Variants in MFSD1 observed in about 807,000 individuals in gnomAD.
MFSD1 encodes major facilitator superfamily domain containing 1.
Under a neutral mutation model 67.1 loss-of-function variants are expected in MFSD1, and 59 were observed. The observed-to-expected ratio is 0.88, with a 90% CI of 0.71 to 1.09. MFSD1 has a LOEUF of 1.09. Among genes scored for constraint, MFSD1 ranks in the 50% least tolerant of loss-of-function variants. The pLI is 0.00. For synonymous variants in MFSD1, 213 were observed against 200.3 expected (o/e 1.06, Z -0.54); for missense variants, 552 against 566.1 (o/e 0.97, Z 0.25).
chr3:158,821,505 G>T (rs1548092), intron 9 of MFSD1, 92 bp from the exon 10 acceptor site: 1 of 812,302 alleles, frequency 1.2e-6, no homozygotes. Flanking sequence ...GAAAGAAGCT[G>T]ATTAAACTTG....
chr3:158,807,542 G>T, intron 5 of MFSD1, 79 bp downstream of exon 5: 1 of 1,159,840 alleles, frequency 8.6e-7, no homozygotes, highest in Non-Finnish European at 1.3e-6. Flanking sequence ...AAAAAACCTT[G>T]TCTCTTCTGG....
chr3:158,805,435 T>G lies in MFSD1; in HGVS notation c.290T>G (p.Phe97Cys), dbSNP rs373105100. Residue 97 changes from phenylalanine to cysteine, a missense_variant, in exon 3 of 16, where the codon TTC becomes TGC. Coordinates refer to ENST00000415822, the MANE Select transcript of MFSD1 (RefSeq NM_022736.4). ...TCTTGGCCCAATGTAGTTTTGTGTT[T>G]CTTTGGTGGCTTTTTGATAGACCGA... ...WYSWPNVVLC[F>C]FGGFLIDRVF... 1.4e-4 allele frequency: 222 copies of G among 1,614,138 alleles called. 1 individual carries two copies. In the South Asian group the frequency reaches 2.0e-3, roughly 15 times the overall value.
In MFSD1 at chr3:158,802,669, C is replaced by T. The variant is rs1283696143; in HGVS notation, c.163+354C>T. The T allele has an allele frequency of 6.8e-5, 35 of 513,722 alleles. No individual in the cohort carries two copies. The East Asian group carries it at 1.1e-3, about 16-fold the overall frequency. The allele number at this position is 513,722 out of a possible 1,614,324, so 31.8% of individuals were successfully genotyped here. Reference sequence around the variant, plus strand: ...TTGGCACACGTGGTCGGAGGAAATTCAGAAAGCTTTAACTGTTCCTAAACA... The same window carrying T: ...TTGGCACACGTGGTCGGAGGAAATTTAGAAAGCTTTAACTGTTCCTAAACA... On this transcript the variant is annotated intron_variant, in intron 1 of 15. Transcript: ENST00000415822.
At chr3:158,819,893 C>T (rs1197452255) in intron 8 of MFSD1, 146 bp downstream of exon 8, 1 of 525,810 alleles carries the variant, frequency 1.9e-6, no homozygotes, top group Non-Finnish European at 3.3e-6. Context: ...TTGATTTCCA[C>T]TTTTCTAAAT....
chr3:158,815,356 C>T (rs1358141951), intron 7 of MFSD1, among the ~76,000 whole-genome samples: 32 of 134,272 alleles, frequency 2.4e-4, no homozygotes, highest in South Asian at 4.8e-4. Context: ...CTTGTAGTGT[C>T]TTTTTTTTTT....
At chr3:158,811,047 T>C (rs1210961607) in intron 6 of MFSD1, among the ~76,000 whole-genome samples, 1 of 152,218 alleles carries the variant, frequency 6.6e-6, no homozygotes, top group Non-Finnish European at 1.5e-5. Flanking sequence ...TGTGTCATTT[T>C]AAGTTAGCTA....
chr3:158,803,835 A>G (rs186587270), intron 1 of MFSD1, among the ~76,000 whole-genome samples: 51 of 151,594 alleles, frequency 3.4e-4, no homozygotes, highest in African/African-American at 1.2e-3. Flanking sequence ...TCACTAAATT[A>G]TTTGATTTTG....
At chr3:158,825,990 G>A in intron 13 of MFSD1, 25 bp from the exon 14 acceptor site, 1 of 1,593,702 alleles carries the variant, frequency 6.3e-7, no homozygotes. Context: ...CATATTTTAA[G>A]GGCCCTATGT....
intron 10 of MFSD1, 35 bp from the exon 11 acceptor site, chr3:158,821,949 C>G: frequency 6.3e-7 from 1 of 1,590,464 alleles, no homozygotes; most frequent in Non-Finnish European, 8.6e-7. Flanking sequence ...GACTGTGTTG[C>G]ATTTCATGAA....
intron 3 of MFSD1, among the ~76,000 whole-genome samples, chr3:158,805,769 T>G (rs1316554332): frequency 6.6e-6 from 1 of 152,216 alleles, no homozygotes; most frequent in Non-Finnish European, 1.5e-5. Context: ...CGTTGCCACT[T>G]TCTCATCTTC....
chr3:158,823,303 TAAC>T (rs1302836785), intron 11 of MFSD1, 122 bp from the exon 12 acceptor site: 6 of 702,558 alleles, frequency 8.5e-6, no homozygotes, highest in Admixed American at 2.1e-5. Flanking sequence ...TTTAGCCTAA[TAAC>T]AACAAAATTT....
rs950469443 is a variant in MFSD1, at chr3:158,819,051, C to A, written c.653-598C>A. Among the ~76,000 whole-genome samples the A allele has an allele frequency of 9.2e-5, 14 of 152,284 alleles. 1 individual carries two copies. Among genetic ancestry groups the A allele is most frequent in the Middle Eastern group, 6.8e-3 (2 of 294 alleles). Reference sequence around the variant, plus strand: ...TTTTATTAAGCTTCTTTTGGAAATTCTTCCTGAGAAGTGTATCGTTATTCA... The same window carrying A: ...TTTTATTAAGCTTCTTTTGGAAATTATTCCTGAGAAGTGTATCGTTATTCA... On this transcript the variant is annotated intron_variant, in intron 7 of 15. Coordinates refer to ENST00000415822, the MANE Select transcript of MFSD1 (RefSeq NM_022736.4).
chr3:158,808,751 G>A (rs184070094), intron 5 of MFSD1, among the ~76,000 whole-genome samples: 1 of 152,148 alleles, frequency 6.6e-6, no homozygotes, highest in Admixed American at 6.5e-5. Context: ...AGTGTCTGGG[G>A]CCTCAGCTGG....
At position 158,820,219 on chromosome 3, in the gene MFSD1, A is replaced by C; in HGVS notation, c.756A>C (p.Glu252Asp). 1.3e-6 allele frequency: 2 copies of C among 1,569,418 alleles called. No individual in the cohort carries two copies. Among genetic ancestry groups the C allele is most frequent in the Non-Finnish European group, 1.8e-6 (2 of 1,139,998 alleles). The change falls in exon 9 of 16, where the codon GAA becomes GAC. Residue 252 changes from glutamate (E) to aspartate (D), a missense_variant. Glu to Asp is a conservative substitution (Grantham distance 45). Transcript: ENST00000415822. Reference sequence around the variant, plus strand: ...GTCTTCCCTTTCTTCTCTAAGGTGAAGTTATTAAATTAACTGATGTAAAGG... The same window carrying C: ...GTCTTCCCTTTCTTCTCTAAGGTGACGTTATTAAATTAACTGATGTAAAGG... ...ILHKEQGKTG[E>D]VIKLTDVKDF... is the part of the protein sequence containing the mutation.
rs1018365517 is a variant in MFSD1 at position 158,821,881 on chromosome 3, A to T, written c.921-103A>T. 1.0e-5 allele frequency: 13 copies of T among 1,261,766 alleles called. No homozygotes were observed. The African/African-American group carries it at 1.9e-4, about 19-fold the overall frequency. 78.2% of individuals were successfully genotyped at this position (1,261,766 alleles called of 1,614,324 possible). Reference sequence around the variant, plus strand: ...TTGATGAGCATTTTATAAGAATGTTAAATGAGTTAGGATTTGCTTTGCCTG... The same window carrying T: ...TTGATGAGCATTTTATAAGAATGTTTAATGAGTTAGGATTTGCTTTGCCTG... On this transcript the variant is annotated intron_variant, in intron 10 of 15. Coordinates refer to ENST00000415822, the MANE Select transcript of MFSD1 (RefSeq NM_022736.4).
At position 158,814,734 on chromosome 3, in the gene MFSD1, G is replaced by A. The variant is rs137891516; in HGVS notation, c.652+667G>A. ...ATTCATGCATACAAAGAGATTATAT[G>A]TGTAAAAACTCTTTGAGAACAACCT... On this transcript the variant is annotated intron_variant, in intron 7 of 15. Transcript: ENST00000415822. Among the ~76,000 whole-genome samples the A allele has an allele frequency of 1.1e-3, 161 of 152,290 alleles. 1 individual carries two copies. The East Asian group carries it at 0.02, about 19-fold the overall frequency.
intron 13 of MFSD1, 147 bp downstream of exon 13, chr3:158,824,383 T>A (rs1407452496): frequency 1.2e-5 from 8 of 643,324 alleles, no homozygotes; most frequent in Non-Finnish European, 1.9e-5. Context: ...CTCTGAAGAT[T>A]CACAGGCATT....
At chr3:158,828,266 G>A (rs1383793646) in intron 15 of MFSD1, among the ~76,000 whole-genome samples, 1 of 152,030 alleles carries the variant, frequency 6.6e-6, no homozygotes. Flanking sequence ...TTTAGACATT[G>A]AAGTTTTTAT....
intron 3 of MFSD1, 104 bp downstream of exon 3, chr3:158,805,578 A>T: frequency 5.6e-6 from 5 of 895,464 alleles, no homozygotes; most frequent in Non-Finnish European, 9.0e-6. Context: ...TTCTGTATTA[A>T]CTAATAATTT....
Sources: allele counts gnomAD v4.1 joint callset (sites outside exome capture counted in the v4.1 genomes callset), GRCh38; gene constraint gnomAD v4.1.1; transcripts MANE v1.5; gene names NCBI Gene and HGNC (gene_info 2026-07-23, HGNC 2026-07-21).